The following SRPK2 variants were observed in gnomAD, a reference collection of about 807,000 sequenced individuals.
SRPK2 encodes SFRS protein kinase 2.
In SRPK2, 21 loss-of-function variants were observed where a neutral mutation model predicts 90.8. That is an observed-to-expected ratio of 0.23 (90% CI 0.16 to 0.33). The LOEUF (loss-of-function observed/expected upper bound fraction) is 0.33, where lower values mean the gene tolerates loss of function less well. Ranked by LOEUF, SRPK2 falls within the 10% of genes least tolerant of loss-of-function variation. The pLI is 1.00. For synonymous variants in SRPK2, 288 were observed against 311.1 expected, an observed-to-expected ratio of 0.93 and a Z score of 0.78; for missense variants, 620 against 869.0, an observed-to-expected ratio of 0.71 and a Z score of 3.60.
chr7:105,205,936 C>CA (rs1419439812), intron 2 of SRPK2: 1 of 518,766 alleles, frequency 1.9e-6, no homozygotes, highest in African/African-American at 1.9e-5. Context: ...AAAACACACA[C>CA]ACACACACAC....
chr7:105,124,530 T>A (rs6466043), intron 15 of SRPK2, among the ~76,000 whole-genome samples: 122,940 of 151,396 alleles, frequency 0.81, 50,616 homozygotes, highest in Non-Finnish European at 0.87. Flanking sequence ...AATCCCGGCT[T>A]CTTGTGAAGT....
At chr7:105,348,420 T>C (rs923431883) in intron 2 of SRPK2, among the ~76,000 whole-genome samples, 13 of 149,858 alleles carry the variant, frequency 8.7e-5, no homozygotes, top group African/African-American at 2.7e-4. Flanking sequence ...TGAACTTTTT[T>C]CTTTCTTTTT....
At chr7:105,235,237 T>C (rs756871975) in intron 2 of SRPK2, among the ~76,000 whole-genome samples, 8 of 152,242 alleles carry the variant, frequency 5.3e-5, no homozygotes, top group Non-Finnish European at 1.0e-4. Flanking sequence ...AATAGTCAAA[T>C]GTTTGCTTAT....
At chr7:105,187,838 CTCAT>C (rs1793786190) in intron 3 of SRPK2, among the ~76,000 whole-genome samples, 1 of 152,088 alleles carries the variant, frequency 6.6e-6, no homozygotes, top group South Asian at 2.1e-4. Context: ...ATAGGTAAAA[CTCAT>C]TCATTATAAT....
chr7:105,297,793 G>A (rs1000917615), intron 2 of SRPK2, among the ~76,000 whole-genome samples: 1 of 143,640 alleles, frequency 7.0e-6, no homozygotes, highest in Non-Finnish European at 1.5e-5. Context: ...CCAGGCTGGA[G>A]TGCAGTGGCA....
chr7:105,210,907 C>T (rs977869602), intron 2 of SRPK2, among the ~76,000 whole-genome samples: 1 of 152,116 alleles, frequency 6.6e-6, no homozygotes, highest in Non-Finnish European at 1.5e-5. Context: ...CTGCCAACAG[C>T]TAGAAGAATA....
chr7:105,172,326 T>C (rs1312242514), intron 3 of SRPK2, among the ~76,000 whole-genome samples: 4 of 152,336 alleles, frequency 2.6e-5, no homozygotes, highest in East Asian at 1.9e-4. Context: ...AAATAAACTA[T>C]AATATACTGC....
intron 11 of SRPK2, among the ~76,000 whole-genome samples, chr7:105,136,509 T>C (rs890517610): frequency 2.6e-5 from 4 of 152,216 alleles, no homozygotes; most frequent in African/African-American, 4.8e-5. Context: ...AAGAGGGGAA[T>C]GAGTGGAAAG....
At position 105,165,716 on chromosome 7, in the gene SRPK2, C is replaced by T. The variant is rs117190893; in HGVS notation, c.514+1661G>A. Reference sequence around the variant, plus strand: ...CCAATCGGCAGGTCCATTTCTCCAACGTGGGCACGGACAAATGAGGGAATA... The same window carrying T: ...CCAATCGGCAGGTCCATTTCTCCAATGTGGGCACGGACAAATGAGGGAATA... On this transcript the variant is annotated intron_variant, in intron 6 of 15. Transcript: ENST00000393651. 3.1e-3 allele frequency among the ~76,000 whole-genome samples: 469 copies of T among 152,298 alleles called. 14 individuals carry two copies. The East Asian group carries it at 0.062, about 20-fold the overall frequency.
At chr7:105,396,452 AC>A (rs1822324128) in intron 1 of SRPK2, among the ~76,000 whole-genome samples, 1 of 151,816 alleles carries the variant, frequency 6.6e-6, no homozygotes, top group African/African-American at 2.4e-5. Flanking sequence ...CCTGGCTAAC[AC>A]GGCGAAATCT....
At chr7:105,346,479 G>A (rs1427167162) in intron 2 of SRPK2, among the ~76,000 whole-genome samples, 1 of 152,086 alleles carries the variant, frequency 6.6e-6, no homozygotes. Context: ...CACAAGGCCA[G>A]GTGCAGTGGC....
chr7:105,155,261 C>A (rs1806334666), intron 7 of SRPK2, among the ~76,000 whole-genome samples: 2 of 151,926 alleles, frequency 1.3e-5, no homozygotes, highest in African/African-American at 2.4e-5. Flanking sequence ...GGATTACAGG[C>A]GTGAGCCACT....
At chr7:105,195,822 G>T (rs1206855358) in intron 3 of SRPK2, among the ~76,000 whole-genome samples, 1 of 152,172 alleles carries the variant, frequency 6.6e-6, no homozygotes, top group Non-Finnish European at 1.5e-5. Context: ...TATTTGAGCA[G>T]TCTATTCATT....
intron 2 of SRPK2, among the ~76,000 whole-genome samples, chr7:105,210,912 A>G (rs1482490362): frequency 9.2e-5 from 14 of 152,208 alleles, no homozygotes; most frequent in Non-Finnish European, 2.9e-5. Context: ...AACAGCTAGA[A>G]GAATAGTAAG....
At chr7:105,184,313 A>C (rs1353571326) in intron 3 of SRPK2, among the ~76,000 whole-genome samples, 1 of 152,102 alleles carries the variant, frequency 6.6e-6, no homozygotes, top group Non-Finnish European at 1.5e-5. Flanking sequence ...TCTTACATAC[A>C]TAATGCCAGA....
intron 2 of SRPK2, among the ~76,000 whole-genome samples, chr7:105,323,999 G>GTA (rs1813250970): frequency 6.8e-6 from 1 of 147,640 alleles, no homozygotes; most frequent in African/African-American, 2.5e-5. Context: ...GTGTGTGTGT[G>GTA]TGTGTGTGTG....
chr7:105,306,554 C>T (rs1272705958), intron 2 of SRPK2: 2 of 442,696 alleles, frequency 4.5e-6, no homozygotes, highest in African/African-American at 4.1e-5. Flanking sequence ...ACCCTTGAAG[C>T]AGCAGGATGT....
chr7:105,345,739 T>G (rs1816377328), intron 2 of SRPK2, among the ~76,000 whole-genome samples: 1 of 152,220 alleles, frequency 6.6e-6, no homozygotes, highest in Non-Finnish European at 1.5e-5. Flanking sequence ...ACAGACATGG[T>G]CTGTGAGCTC....
intron 15 of SRPK2, among the ~76,000 whole-genome samples, chr7:105,125,197 T>C (rs1386651656): frequency 6.6e-6 from 1 of 151,804 alleles, no homozygotes; most frequent in Non-Finnish European, 1.5e-5. Context: ...CCTAGGGCTC[T>C]TGGGTGTTTT....
Sources: allele counts gnomAD v4.1 joint callset (sites outside exome capture counted in the v4.1 genomes callset), GRCh38; gene constraint gnomAD v4.1.1; transcripts MANE v1.5; gene names NCBI Gene and HGNC (gene_info 2026-07-23, HGNC 2026-07-21).